PKIB: variants seen among roughly 807,000 people sequenced by gnomAD.
PKIB encodes the protein PKI-beta.
In PKIB, 2 loss-of-function variants were observed where a neutral mutation model predicts 4.5. The ratio of observed to expected loss-of-function variants is 0.44; its 90% CI spans 0.18 to 1.39. PKIB has a LOEUF of 1.39. Among genes scored for constraint, PKIB ranks in the 40% most tolerant of loss-of-function variants. The pLI is 0.27. For synonymous variants in PKIB, 38 were observed against 36.0 expected (o/e 1.06, Z -0.20); for missense variants, 94 against 92.6 (o/e 1.02, Z -0.06).
chr6:122,707,958 G>GA lies in PKIB; in HGVS notation c.-8-9821dup, dbSNP rs1252904623. On this transcript the variant is annotated intron_variant, in intron 3 of 4. Transcript: ENST00000368452. ...CATATATTAATGTCATATGCAAAAA[G>GA]AAAAAAAATTCATGTTGAAAAGTGG... Among the ~76,000 whole-genome samples the GA allele has an allele frequency of 9.7e-4, 68 of 70,064 alleles. 1 individual carries two copies. The highest frequency in any genetic ancestry group is 3.3e-3 in the African/African-American group (62 of 18,656). The allele number at this position is 70,064 out of a possible 152,430, so 46.0% of individuals were successfully genotyped here. A position where few individuals can be genotyped will look rare whatever the true frequency, so the allele number is the denominator to read the frequency against.
At chr6:122,659,629 C>A (rs1776908199) in intron 2 of PKIB, among the ~76,000 whole-genome samples, 1 of 152,126 alleles carries the variant, frequency 6.6e-6, no homozygotes, top group Admixed American at 6.5e-5. Flanking sequence ...ATCTTCTTAA[C>A]TAGTATTTAT....
At chr6:122,712,372 G>A (rs4945709) in intron 3 of PKIB, among the ~76,000 whole-genome samples, 150,124 of 152,284 alleles carry the variant, frequency 0.99, 74,030 homozygotes, top group Middle Eastern at 1. Flanking sequence ...TAGTTCTTTC[G>A]CCTTTTTTGG....
intron 1 of PKIB, among the ~76,000 whole-genome samples, chr6:122,614,293 G>A (rs1774892244): frequency 6.6e-6 from 1 of 152,218 alleles, no homozygotes; most frequent in Admixed American, 6.5e-5. Context: ...ATTGGAAAGA[G>A]GGCCAAGGAA....
chr6:122,640,483 T>A (rs1363894342), intron 2 of PKIB, among the ~76,000 whole-genome samples: 1 of 152,238 alleles, frequency 6.6e-6, no homozygotes, highest in Non-Finnish European at 1.5e-5. Context: ...CTTCAGTTTG[T>A]CATATCAAAG....
chr6:122,574,386 G>A (rs908484966), intron 2 of PKIB, among the ~76,000 whole-genome samples: 2 of 151,872 alleles, frequency 1.3e-5, no homozygotes, highest in Non-Finnish European at 2.9e-5. Context: ...ATCCATCATC[G>A]TTCCCCACAG....
intron 3 of PKIB, among the ~76,000 whole-genome samples, chr6:122,702,558 G>A (rs200007999): frequency 6.6e-6 from 1 of 151,946 alleles, no homozygotes; most frequent in Non-Finnish European, 1.5e-5. Context: ...GACCTCAGGT[G>A]ATCTGCCCAC....
chr6:122,500,235 A>G (rs1776189747), intron 2 of PKIB, among the ~76,000 whole-genome samples: 1 of 148,386 alleles, frequency 6.7e-6, no homozygotes, highest in African/African-American at 2.5e-5. Context: ...TATTAAAAAT[A>G]GTGGGAAAAA....
chr6:122,713,268 C>A (rs923924820), intron 3 of PKIB, among the ~76,000 whole-genome samples: 1 of 152,062 alleles, frequency 6.6e-6, no homozygotes, highest in Non-Finnish European at 1.5e-5. Context: ...TGTAAGCAGC[C>A]ACAGTTGACA....
intron 3 of PKIB, among the ~76,000 whole-genome samples, chr6:122,602,900 G>A (rs953667319): frequency 6.9e-6 from 1 of 145,530 alleles, no homozygotes; most frequent in African/African-American, 2.5e-5. Context: ...AAGTTGCAGC[G>A]AGCCGAGATC....
intron 2 of PKIB, among the ~76,000 whole-genome samples, chr6:122,495,626 A>G (rs1483310139): frequency 6.6e-6 from 1 of 152,012 alleles, no homozygotes; most frequent in Non-Finnish European, 1.5e-5. Flanking sequence ...ATTCCAACTC[A>G]GCTGGCATCT....
intron 2 of PKIB, chr6:122,480,683 T>G (rs1368105095): frequency 6.6e-6 from 1 of 152,210 alleles, no homozygotes; most frequent in Non-Finnish European, 1.5e-5. Flanking sequence ...TATGCCTGCC[T>G]TATATTTCTA....
chr6:122,529,921 G>T (rs1217995970), intron 2 of PKIB, among the ~76,000 whole-genome samples: 1 of 151,980 alleles, frequency 6.6e-6, no homozygotes, highest in African/African-American at 2.4e-5. Flanking sequence ...GTTCTCTTGG[G>T]ATTTACATTG....
intron 1 of PKIB, among the ~76,000 whole-genome samples, chr6:122,610,793 G>A (rs1234069432): frequency 6.6e-6 from 1 of 152,216 alleles, no homozygotes; most frequent in African/African-American, 2.4e-5. Context: ...GGCGTGACGT[G>A]GGAGGTCTGT....
chr6:122,719,271 T>C (rs1173636225), intron 4 of PKIB, among the ~76,000 whole-genome samples: 1 of 152,206 alleles, frequency 6.6e-6, no homozygotes, highest in East Asian at 1.9e-4. Flanking sequence ...TTCTCCATTT[T>C]ATTTTGGTCA....
intron 1 of PKIB, among the ~76,000 whole-genome samples, chr6:122,625,642 T>TAAG (rs1775408297): frequency 1.3e-5 from 2 of 151,042 alleles, no homozygotes; most frequent in African/African-American, 2.4e-5. Flanking sequence ...TCTCCAAAAA[T>TAAG]AATAATAATA....
chr6:122,681,434 A>G (rs964337785), intron 3 of PKIB, among the ~76,000 whole-genome samples: 2 of 152,222 alleles, frequency 1.3e-5, no homozygotes, highest in Admixed American at 1.3e-4. Context: ...CCTATAAAAT[A>G]AACTGAGTTT....
intron 1 of PKIB, among the ~76,000 whole-genome samples, chr6:122,614,649 A>T (rs1186763311): frequency 1.3e-5 from 2 of 152,192 alleles, no homozygotes; most frequent in African/African-American, 2.4e-5. Flanking sequence ...ATAATTAGGT[A>T]GTCTTCTCAA....
rs186876989 is a variant in PKIB at position 122,532,328 on chromosome 6, G to T, written c.-247-53593G>T. On this transcript the variant is annotated intron_variant, in intron 2 of 6. Transcript: ENST00000392491. ...TGTTTATTTAATACTTTATTAAATG[G>T]TTACATTTTTAGCAGCTTCCTTTTT... Among the ~76,000 whole-genome samples the T allele has an allele frequency of 6.6e-5, 10 of 152,136 alleles. No individual in the cohort carries two copies. In the East Asian group the frequency reaches 1.4e-3, roughly 21 times the overall value.
At chr6:122,659,944 G>T (rs138750665) in intron 2 of PKIB, among the ~76,000 whole-genome samples, 129 of 152,202 alleles carry the variant, frequency 8.5e-4, no homozygotes, top group African/African-American at 3.0e-3. Context: ...AGAAAGAGCT[G>T]CATTAAATAA....
Sources: gnomAD v4.1 joint callset for allele counts (sites outside exome capture counted in the v4.1 genomes callset) on GRCh38, gnomAD v4.1.1 for gene constraint, MANE v1.5 for transcripts, NCBI Gene and HGNC (gene_info 2026-07-23, HGNC 2026-07-21) for gene names.